Variants in KCMF1 observed in about 807,000 individuals in gnomAD.
KCMF1 encodes the protein E3 ubiquitin-protein ligase KCMF1.
A neutral mutation model predicts 41.1 loss-of-function variants in KCMF1; 3 were observed. That is an observed-to-expected ratio of 0.07 (90% CI 0.03 to 0.19). The LOEUF (loss-of-function observed/expected upper bound fraction) is 0.19. Among genes scored for constraint, KCMF1 ranks in the 10% least tolerant of loss-of-function variants. The pLI, the probability that KCMF1 is intolerant of heterozygous loss-of-function variation, is 1.00. For synonymous variants in KCMF1, 142 were observed against 164.5 expected, an observed-to-expected ratio of 0.86 and a Z score of 1.04; for missense variants, 286 against 488.9, an observed-to-expected ratio of 0.58 and a Z score of 3.91.
chr2:85,039,300 C>T (rs1407142758), intron 3 of KCMF1, among the ~76,000 whole-genome samples: 2 of 152,046 alleles, frequency 1.3e-5, no homozygotes, highest in East Asian at 3.8e-4. Context: ...GTTTTTAAAG[C>T]TGTGAATAGT....
At position 85,027,988 on chromosome 2, in the gene KCMF1, G is replaced by C. The variant is rs1675154671; in HGVS notation, c.116G>C (p.Ser39Thr). ...DYDLCASCYESGATTTRHTTD... is the reference protein window; with the variant it reads ...DYDLCASCYETGATTTRHTTD... ...GATCTTTGTGCATCTTGTTATGAAA[G>C]TGGTGCAACAACAACAAGGCATACA... Residue 39 changes from serine (S) to threonine (T), a missense_variant, in exon 2 of 7, where the codon AGT becomes ACT. This residue lies in a region of KCMF1 where 95 missense variants were observed against 209.6 expected (regional missense o/e 0.45). Transcript: ENST00000409785. The C allele has an allele frequency of 6.2e-7, 1 of 1,612,696 alleles. No homozygotes were observed. Among genetic ancestry groups the C allele is most frequent in the African/African-American group, 1.3e-5 (1 of 74,864 alleles).
intron 1 of KCMF1, among the ~76,000 whole-genome samples, chr2:85,007,117 A>G (rs972252576): frequency 3.3e-5 from 5 of 151,810 alleles, no homozygotes; most frequent in African/African-American, 4.8e-5. Flanking sequence ...AAAAAAAAAA[A>G]AAAAAGAAAT....
rs749600218 is a variant in KCMF1 at position 85,046,092 on chromosome 2, C to T, written c.427-12C>T. On this transcript the variant is annotated splice_polypyrimidine_tract_variant and intron_variant, in intron 4 of 6. Transcript: ENST00000409785. ...TGAAATACTTTCGTTTTTTTCTTAA[C>T]TTTTGGGTTATGATGAATCGAGTGG... The T allele has an allele frequency of 5.1e-6, 8 of 1,579,214 alleles. No individual in the cohort carries two copies. Among genetic ancestry groups the T allele is most frequent in the South Asian group, 2.3e-5 (2 of 86,612 alleles).
chr2:85,009,802 C>G (rs907177970), intron 1 of KCMF1, among the ~76,000 whole-genome samples: 10 of 152,184 alleles, frequency 6.6e-5, no homozygotes, highest in African/African-American at 2.4e-4. Flanking sequence ...GAATAAACTT[C>G]TACTTTCCAC....
At chr2:85,030,249 G>A (rs1482278387) in intron 2 of KCMF1, among the ~76,000 whole-genome samples, 17 of 151,358 alleles carry the variant, frequency 1.1e-4, no homozygotes. Context: ...TTTTTTATCT[G>A]ATAGATGATT....
intron 1 of KCMF1, among the ~76,000 whole-genome samples, chr2:84,973,880 T>A (rs919174829): frequency 6.8e-6 from 1 of 147,826 alleles, no homozygotes; most frequent in African/African-American, 2.5e-5. Context: ...CAGGTTGGAG[T>A]GCAGTGGCGT....
chr2:85,045,526 A>G (rs997894682), intron 4 of KCMF1, among the ~76,000 whole-genome samples: 1 of 151,984 alleles, frequency 6.6e-6, no homozygotes, highest in African/African-American at 2.4e-5. Flanking sequence ...GGCCTCCCCC[A>G]CCTCTCATTT....
intron 1 of KCMF1, among the ~76,000 whole-genome samples, chr2:84,992,469 T>C (rs1411209517): frequency 1.3e-5 from 2 of 152,134 alleles, no homozygotes; most frequent in Admixed American, 6.5e-5. Context: ...TTGGCCAGGC[T>C]GGTCTCAAAC....
chr2:84,977,168 T>A (rs952410286), intron 1 of KCMF1, among the ~76,000 whole-genome samples: 8 of 152,112 alleles, frequency 5.3e-5, no homozygotes, highest in South Asian at 2.1e-4. Flanking sequence ...TGTGAGCCAT[T>A]GCTCCTAGCC....
intron 1 of KCMF1, among the ~76,000 whole-genome samples, chr2:84,996,430 A>ATTTTTTTTTTT (rs869089697): frequency 1.9e-4 from 23 of 124,058 alleles, no homozygotes; most frequent in African/African-American, 7.6e-4. Flanking sequence ...ATAACCTAAG[A>ATTTTTTTTTTT]TTTTTTTTTT....
At chr2:85,026,079 C>A (rs1031886248) in intron 1 of KCMF1, among the ~76,000 whole-genome samples, 2 of 152,026 alleles carry the variant, frequency 1.3e-5, no homozygotes, top group Non-Finnish European at 2.9e-5. Flanking sequence ...CAACCTCCGT[C>A]TCCTGAGTTC....
intron 1 of KCMF1, among the ~76,000 whole-genome samples, chr2:84,975,556 T>G (rs1673523648): frequency 6.6e-6 from 1 of 152,184 alleles, no homozygotes; most frequent in African/African-American, 2.4e-5. Flanking sequence ...TTTTCCTGCT[T>G]GCCCGTTAAT....
chr2:84,982,693 C>T lies in KCMF1; in HGVS notation c.16+11226C>T, dbSNP rs535963742. Among the ~76,000 whole-genome samples, 5 of 152,134 alleles carry T rather than the reference C, an allele frequency of 3.3e-5. No individual in the cohort carries two copies. The East Asian group carries it at 7.7e-4, about 23-fold the overall frequency. On this transcript the variant is annotated intron_variant, in intron 1 of 6. Coordinates refer to ENST00000409785, the MANE Select transcript of KCMF1 (RefSeq NM_020122.5). ...GGATTACAGGCTGAGCCACCATGCC[C>T]GGCCCTTCTTTTCTATGATATTGAA...
intron 1 of KCMF1, among the ~76,000 whole-genome samples, chr2:85,019,561 CTG>C (rs1479438896): frequency 6.6e-6 from 1 of 152,086 alleles, no homozygotes; most frequent in Non-Finnish European, 1.5e-5. Flanking sequence ...TATGGAAAAA[CTG>C]TATGTTATAA....
At chr2:85,004,979 T>C (rs1446449211) in intron 1 of KCMF1, among the ~76,000 whole-genome samples, 1 of 151,928 alleles carries the variant, frequency 6.6e-6, no homozygotes, top group Non-Finnish European at 1.5e-5. Flanking sequence ...GGGATTCAGC[T>C]CACTCCAGCC....
chr2:84,991,751 A>G lies in KCMF1; in HGVS notation c.16+20284A>G, dbSNP rs563021622. ...TTTGGTCCAGAAGGAAATCAGCCGC[A>G]ACAGCCTCCTCCCCAGCCCCCTTTC... is the stretch of plus-strand genomic sequence containing the variant. On this transcript the variant is annotated intron_variant, in intron 1 of 6. Transcript: ENST00000409785. 2.0e-5 allele frequency among the ~76,000 whole-genome samples: 3 copies of G among 152,318 alleles called. No individual in the cohort carries two copies. In the East Asian group the frequency reaches 5.8e-4, roughly 29 times the overall value.
At chr2:84,977,054 G>C (rs1450145988) in intron 1 of KCMF1, among the ~76,000 whole-genome samples, 1 of 151,478 alleles carries the variant, frequency 6.6e-6, no homozygotes, top group African/African-American at 2.4e-5. Flanking sequence ...TGTTGCCCAG[G>C]CTAGAGTAGA....
intron 1 of KCMF1, among the ~76,000 whole-genome samples, chr2:85,004,876 C>T (rs561688712): frequency 1.3e-5 from 2 of 152,106 alleles, no homozygotes; most frequent in South Asian, 2.1e-4. Flanking sequence ...ACTCTTGTCG[C>T]CCAGGCTGGA....
intron 1 of KCMF1, among the ~76,000 whole-genome samples, chr2:84,999,069 G>A (rs911675839): frequency 1.7e-5 from 2 of 117,002 alleles, no homozygotes; most frequent in African/African-American, 3.2e-5. Context: ...CATCCAAGAC[G>A]TAGTCTTGCT....
Sources: gnomAD v4.1 joint callset for allele counts (sites outside exome capture counted in the v4.1 genomes callset) on GRCh38, gnomAD v4.1.1 for gene constraint, gnomAD v4.1.1 regional missense constraint, MANE v1.5 for transcripts, NCBI Gene and HGNC (gene_info 2026-07-23, HGNC 2026-07-21) for gene names.